Variants in HMHB1 observed in about 807,000 individuals in gnomAD.
HMHB1 encodes minor histocompatibility protein HB-1.
Under a neutral mutation model 2.4 loss-of-function variants are expected in HMHB1, and 4 were observed. The ratio of observed to expected loss-of-function variants is 1.65; its 90% CI spans 0.81 to 3.77. The LOEUF is 3.77. Among genes scored for constraint, HMHB1 ranks in the 30% most tolerant of loss-of-function variants. HMHB1 has a pLI of 0.01. For synonymous variants in HMHB1, 22 were observed against 17.6 expected (o/e 1.25, Z -0.63); for missense variants, 57 against 44.2 (o/e 1.29, Z -0.82).
intron 1 of HMHB1, among the ~76,000 whole-genome samples, chr5:143,814,889 C>T (rs1759730723): frequency 6.6e-6 from 1 of 152,196 alleles, no homozygotes; most frequent in Non-Finnish European, 1.5e-5. Flanking sequence ...GTGGCTATTG[C>T]ACAAATATTG....
At chr5:143,818,403 C>G (rs1044971673) in intron 1 of HMHB1, among the ~76,000 whole-genome samples, 2 of 152,210 alleles carry the variant, frequency 1.3e-5, no homozygotes, top group African/African-American at 4.8e-5. Context: ...TAAAGAAACA[C>G]TGTTCTAAAT....
Position 143,812,171 on chromosome 5 carries a change from G to C in HMHB1, c.-97G>C. ...CTGCAGATGAGGAAACCACATCCCA[G>C]GAGGCCGAGGCGGCTTGCCCCGCAT... On this transcript the variant is annotated 5_prime_UTR_variant, in exon 1 of 2. Transcript: ENST00000289448. 1 of 1,097,234 alleles carries C rather than the reference G, an allele frequency of 9.1e-7. No homozygotes were observed. Among genetic ancestry groups the C allele is most frequent in the Non-Finnish European group, 1.3e-6 (1 of 744,678 alleles). 68.0% of individuals were successfully genotyped at this position (1,097,234 alleles called of 1,614,324 possible).
intron 1 of HMHB1, 47 bp downstream of exon 1, chr5:143,812,351 A>C (rs1363628843): frequency 6.6e-7 from 1 of 1,511,672 alleles, no homozygotes; most frequent in East Asian, 2.5e-5. Flanking sequence ...GGAAAGAGGC[A>C]GCGAAGGGGC....
Position 143,812,276 on chromosome 5 carries a change from G to A in HMHB1, c.9G>A (p.Glu3=), listed in dbSNP as rs373820699. The change falls in exon 1 of 2, where the codon GAG becomes GAA. Residue 3 remains glutamate, a synonymous_variant. Transcript: ENST00000289448. ...CAGTGGAGAAACCAGAACTGGAGGAGCAGCCAGAATGCAGAGAAGAAAAAA... is the reference window on the plus strand; with the variant it reads ...CAGTGGAGAAACCAGAACTGGAGGAACAGCCAGAATGCAGAGAAGAAAAAA... 1.6e-5 allele frequency: 25 copies of A among 1,551,676 alleles called. 1 individual carries two copies. The highest frequency in any genetic ancestry group is 2.4e-5 in the East Asian group (1 of 40,934).
chr5:143,817,897 T>C (rs1759767416), intron 1 of HMHB1, among the ~76,000 whole-genome samples: 1 of 152,146 alleles, frequency 6.6e-6, no homozygotes, highest in South Asian at 2.1e-4. Context: ...GGCTGAAAAC[T>C]ACAAAACTGC....
At chr5:143,820,318 T>TAGAAAAAA (rs1759794101) in intron 1 of HMHB1, among the ~76,000 whole-genome samples, 162 bp from the exon 2 acceptor site, 1 of 47,564 alleles carries the variant, frequency 2.1e-5, no homozygotes, top group Non-Finnish European at 4.1e-5. Flanking sequence ...TCATCATAAG[T>TAGAAAAAA]AAAAAAAAAA....
intron 1 of HMHB1, among the ~76,000 whole-genome samples, chr5:143,819,634 CAAAAAA>C (rs34190658): frequency 1.2e-5 from 1 of 82,642 alleles, no homozygotes. Flanking sequence ...GACTCTGTCT[CAAAAAA>C]AAAAAAAAAA....
chr5:143,816,499 C>T (rs1338098200), intron 1 of HMHB1, among the ~76,000 whole-genome samples: 1 of 152,200 alleles, frequency 6.6e-6, no homozygotes, highest in African/African-American at 2.4e-5. Context: ...GTAATACTCT[C>T]CATTCTCATC....
At chr5:143,812,523 G>C (rs1427382128) in intron 1 of HMHB1, among the ~76,000 whole-genome samples, 2 of 152,110 alleles carry the variant, frequency 1.3e-5, no homozygotes, top group Non-Finnish European at 2.9e-5. Flanking sequence ...CCCATTGCCT[G>C]GCTGCCTGCA....
At chr5:143,813,384 G>A (rs1759713918) in intron 1 of HMHB1, among the ~76,000 whole-genome samples, 1 of 152,048 alleles carries the variant, frequency 6.6e-6, no homozygotes. Context: ...TTACATTTTG[G>A]CCTAAAGCAC....
intron 1 of HMHB1, among the ~76,000 whole-genome samples, chr5:143,817,363 A>G (rs967069468): frequency 5.9e-5 from 9 of 152,178 alleles, no homozygotes; most frequent in African/African-American, 2.2e-4. Context: ...TCCTTAATCC[A>G]TCTTGAGTTG....
Position 143,820,318 on chromosome 5 carries a change from T to TAAAAAAAAAAAAAAAAAAAAA in HMHB1, c.38-150_38-130dup, listed in dbSNP as rs60960654. On this transcript the variant is annotated intron_variant, in intron 1 of 1. Transcript: ENST00000289448. ...AGGTGCTGCCCCGGCTCATCATAAG[T>TAAAAAAAAAAAAAAAAAAAAA]AAAAAAAAAAAAAAAAAAAAAAAAA... is the stretch of plus-strand genomic sequence containing the variant. Among the ~76,000 whole-genome samples the TAAAAAAAAAAAAAAAAAAAAA allele has an allele frequency of 1.9e-3, 91 of 47,570 alleles. 5 individuals carry two copies. Among genetic ancestry groups the TAAAAAAAAAAAAAAAAAAAAA allele is most frequent in the South Asian group, 3.9e-3 (3 of 776 alleles). 31.2% of individuals were successfully genotyped at this position (47,570 alleles called of 152,430 possible). A position where few individuals can be genotyped will look rare whatever the true frequency, so the allele number is the denominator to read the frequency against.
In HMHB1 at chr5:143,812,201, G is replaced by A; in HGVS notation, c.-67G>A. On this transcript the variant is annotated 5_prime_UTR_variant, in exon 1 of 2. Coordinates refer to ENST00000289448, the MANE Select transcript of HMHB1 (RefSeq NM_021182.3). The stretch of plus-strand genomic sequence containing the variant: ...CCGAGGCGGCTTGCCCCGCATCTCA[G>A]AAGCCGGGCAGGCCCTGAGCCTTCT... 2 of 1,491,762 alleles carry A rather than the reference G, an allele frequency of 1.3e-6. No individual in the cohort carries two copies. The highest frequency in any genetic ancestry group is 1.8e-6 in the Non-Finnish European group (2 of 1,098,520). The allele number at this position is 1,491,762 out of a possible 1,614,324, so 92.4% of individuals were successfully genotyped here.
rs1759700442 is a variant in HMHB1, at chr5:143,812,262, C to T, written c.-6C>T. 6.4e-7 allele frequency: 1 copy of T among 1,551,286 alleles called. No individual in the cohort carries two copies. The highest frequency in any genetic ancestry group is 1.4e-5 in the African/African-American group (1 of 72,896). On this transcript the variant is annotated 5_prime_UTR_variant, in exon 1 of 2. Coordinates refer to ENST00000289448, the MANE Select transcript of HMHB1 (RefSeq NM_021182.3). ...CCTCTGCCACACCACAGTGGAGAAA[C>T]CAGAACTGGAGGAGCAGCCAGAATG...
At position 143,812,168 on chromosome 5, in the gene HMHB1, C is replaced by G; in HGVS notation, c.-100C>G. 7 of 1,062,748 alleles carry G rather than the reference C, an allele frequency of 6.6e-6. No individual in the cohort carries two copies. The South Asian group carries it at 1.0e-4, about 15-fold the overall frequency. The allele number at this position is 1,062,748 out of a possible 1,614,324, so 65.8% of individuals were successfully genotyped here. A position where few individuals can be genotyped will look rare whatever the true frequency, so the allele number is the denominator to read the frequency against. On this transcript the variant is annotated 5_prime_UTR_variant, in exon 1 of 2. Coordinates refer to ENST00000289448, the MANE Select transcript of HMHB1 (RefSeq NM_021182.3). ...ATTCTGCAGATGAGGAAACCACATC[C>G]CAGGAGGCCGAGGCGGCTTGCCCCG...
At chr5:143,820,371 A>C (rs1390866275) in intron 1 of HMHB1, 109 bp from the exon 2 acceptor site, 1 of 475,392 alleles carries the variant, frequency 2.1e-6, no homozygotes, top group African/African-American at 2.0e-5. Context: ...CAAAACTAAA[A>C]AGCTAACACA....
Position 143,815,755 on chromosome 5 carries a change from G to A in HMHB1, c.37+3451G>A, listed in dbSNP as rs1055080580. On this transcript the variant is annotated intron_variant, in intron 1 of 1. Coordinates refer to ENST00000289448, the MANE Select transcript of HMHB1 (RefSeq NM_021182.3). ...CGCTCTGTCGCCCAGGCCGGACTGC[G>A]GACTGCAGTGGCGCAATCTCGGCTC... 8.2e-5 allele frequency among the ~76,000 whole-genome samples: 12 copies of A among 146,494 alleles called. 1 individual carries two copies. The highest frequency in any genetic ancestry group is 2.1e-4 in the South Asian group (1 of 4,794).
chr5:143,812,173 A>ATGT lies in HMHB1; in HGVS notation c.-95_-94insTGT. On this transcript the variant is annotated 5_prime_UTR_variant, in exon 1 of 2. The change creates a new upstream start codon in the 5' untranslated region. Transcript: ENST00000289448. ...GCAGATGAGGAAACCACATCCCAGG[A>ATGT]GGCCGAGGCGGCTTGCCCCGCATCT... The ATGT allele has an allele frequency of 9.0e-7, 1 of 1,105,846 alleles. No homozygotes were observed. Among genetic ancestry groups the ATGT allele is most frequent in the Non-Finnish European group, 1.3e-6 (1 of 752,016 alleles). The allele number at this position is 1,105,846 out of a possible 1,614,324, so 68.5% of individuals were successfully genotyped here.
rs1323851608 is a variant in HMHB1, at chr5:143,819,542, G to A, written c.38-938G>A. ...CCCAGCTACTCGGGAGGCTGAGGCAGGAGAATCGCTTGAGCTCGGGGGGCG... is the reference window on the plus strand; with the variant it reads ...CCCAGCTACTCGGGAGGCTGAGGCAAGAGAATCGCTTGAGCTCGGGGGGCG... On this transcript the variant is annotated intron_variant, in intron 1 of 1. Coordinates refer to ENST00000289448, the MANE Select transcript of HMHB1 (RefSeq NM_021182.3). Among the ~76,000 whole-genome samples the A allele has an allele frequency of 2.0e-5, 3 of 151,746 alleles. No individual in the cohort carries two copies. The East Asian group carries it at 5.8e-4, about 29-fold the overall frequency.
Sources: allele counts gnomAD v4.1 joint callset (sites outside exome capture counted in the v4.1 genomes callset), GRCh38; gene constraint gnomAD v4.1.1; transcripts MANE v1.5; gene names NCBI Gene and HGNC (gene_info 2026-07-23, HGNC 2026-07-21).